The following COL4A4 variants were observed in gnomAD, a reference collection of about 807,000 sequenced individuals.
COL4A4 encodes collagen alpha-4(IV) chain.
A neutral mutation model predicts 192.9 loss-of-function variants in COL4A4; 105 were observed. That is an observed-to-expected ratio of 0.54 (90% CI 0.46 to 0.64). The LOEUF (loss-of-function observed/expected upper bound fraction) is 0.64, where lower values mean the gene tolerates loss of function less well. Among genes scored for constraint, COL4A4 ranks in the 30% least tolerant of loss-of-function variants. The pLI is 0.00. For missense variants in COL4A4, 1,967 were observed against 2,169.3 expected (o/e 0.91, Z 1.85); for synonymous variants, 762 against 769.9 (o/e 0.99, Z 0.17).
intron 8 of COL4A4, among the ~76,000 whole-genome samples, chr2:227,113,654 A>AC (rs958879957): frequency 2.0e-5 from 3 of 152,154 alleles, no homozygotes; most frequent in African/African-American, 7.2e-5. Flanking sequence ...TCCTAGAATG[A>AC]CCCTGCTGTT....
chr2:227,085,207 A>G (rs994871985), intron 22 of COL4A4, among the ~76,000 whole-genome samples: 4 of 152,036 alleles, frequency 2.6e-5, no homozygotes, highest in African/African-American at 4.8e-5. Context: ...TTCAGTCTAG[A>G]TAAGGGACAT....
At chr2:227,016,816 A>C (rs569812585) in intron 44 of COL4A4, among the ~76,000 whole-genome samples, 2 of 152,220 alleles carry the variant, frequency 1.3e-5, no homozygotes, top group East Asian at 3.9e-4. Flanking sequence ...ATTAGAAACG[A>C]ATTATTTCAG....
chr2:227,137,345 G>A (rs556688975), intron 4 of COL4A4, among the ~76,000 whole-genome samples: 17 of 152,344 alleles, frequency 1.1e-4, no homozygotes, highest in African/African-American at 3.4e-4. Context: ...CAACCCAGCA[G>A]TTGGTACCTT....
downstream of COL4A4, chr2:227,002,591 C>T (rs1466215478): frequency 6.6e-6 from 1 of 152,398 alleles, no homozygotes; most frequent in African/African-American, 2.4e-5. Flanking sequence ...TTCCAGCCTA[C>T]ACTCTTCCCT....
At chr2:227,038,480 T>C (rs1024141188) in intron 37 of COL4A4, among the ~76,000 whole-genome samples, 9 of 152,224 alleles carry the variant, frequency 5.9e-5, no homozygotes, top group Admixed American at 3.9e-4. Context: ...CCTTGTACTA[T>C]AGTTTGAAAT....
chr2:227,140,937 C>G (rs1390426660), intron 3 of COL4A4, among the ~76,000 whole-genome samples: 4 of 150,606 alleles, frequency 2.7e-5, no homozygotes, highest in African/African-American at 7.3e-5. Context: ...TAGGAAGAAT[C>G]AGCTCCTTGT....
At chr2:227,105,388 C>T (rs529999621) in intron 12 of COL4A4, among the ~76,000 whole-genome samples, 98 of 152,066 alleles carry the variant, frequency 6.4e-4, no homozygotes, top group African/African-American at 2.1e-3. Context: ...GATGGGATTT[C>T]GCCATGTTGG....
At chr2:227,059,913 C>T (rs1213526371) in intron 27 of COL4A4, among the ~76,000 whole-genome samples, 1 of 152,044 alleles carries the variant, frequency 6.6e-6, no homozygotes, top group Non-Finnish European at 1.5e-5. Context: ...TAGCCCACAA[C>T]TTATGCTTCA....
At chr2:226,977,034 G>A in the COL4A4 span, among the ~76,000 whole-genome samples, 1 of 152,186 alleles carries the variant, frequency 6.6e-6, no homozygotes, top group Admixed American at 6.5e-5. Context: ...CTGGGATAAG[G>A]CTGGCCTCAC....
chr2:227,153,342 G>A (rs2064092920), intron 1 of COL4A4, among the ~76,000 whole-genome samples: 1 of 152,184 alleles, frequency 6.6e-6, no homozygotes, highest in African/African-American at 2.4e-5. Context: ...CCCTCTACAG[G>A]AAACTTCTGC....
intron 39 of COL4A4, 21 bp from the exon 40 acceptor site, chr2:227,032,076 A>G (rs1433795767): frequency 3.7e-6 from 6 of 1,613,950 alleles, no homozygotes; most frequent in Non-Finnish European, 5.1e-6. Context: ...ACATGTTCAC[A>G]TGTTATCCTC....
At chr2:227,013,519 T>A (rs1964251084) in intron 44 of COL4A4, among the ~76,000 whole-genome samples, 1 of 152,136 alleles carries the variant, frequency 6.6e-6, no homozygotes, top group African/African-American at 2.4e-5. Context: ...CAGGGATGCA[T>A]GTCCCTGGAA....
intron 9 of COL4A4, 133 bp downstream of exon 9, chr2:227,111,545 C>G: frequency 1.1e-6 from 1 of 950,120 alleles, no homozygotes; most frequent in East Asian, 2.4e-5. Context: ...AATTTTTGAA[C>G]AGGGAACCCA....
At chr2:226,994,228 G>A in the COL4A4 span, among the ~76,000 whole-genome samples, 1 of 152,232 alleles carries the variant, frequency 6.6e-6, no homozygotes, top group Admixed American at 6.5e-5. Context: ...TTATTGAACA[G>A]CTACTGTGTG....
intron 24 of COL4A4, among the ~76,000 whole-genome samples, chr2:227,078,643 A>T (rs550722509): frequency 8.5e-5 from 13 of 152,308 alleles, no homozygotes; most frequent in Non-Finnish European, 8.8e-5. Flanking sequence ...AGAATAAGAG[A>T]TTTATGTCAA....
In COL4A4 at chr2:227,073,512, C is replaced by T. The variant is rs115560588; in HGVS notation, c.1987+4382G>A. ...TCAGTGGAATTCCCATCAAAATATG[C>T]ACATCATTTTTCATAGAATTAGAAA... On this transcript the variant is annotated intron_variant, in intron 25 of 47. Coordinates refer to ENST00000396625, the MANE Select transcript of COL4A4 (RefSeq NM_000092.5). 4.9e-3 allele frequency among the ~76,000 whole-genome samples: 737 copies of T among 151,880 alleles called. 7 individuals carry two copies. The highest frequency in any genetic ancestry group is 0.017 in the African/African-American group (708 of 41,482).
At chr2:226,980,006 G>A in the COL4A4 span, among the ~76,000 whole-genome samples, 1 of 152,170 alleles carries the variant, frequency 6.6e-6, no homozygotes, top group African/African-American at 2.4e-5. Flanking sequence ...AAGGTGTCAA[G>A]GAAGACTCTA....
At chr2:227,060,425 T>C (rs1976660652) in intron 26 of COL4A4, among the ~76,000 whole-genome samples, 182 bp from the exon 27 acceptor site, 1 of 152,182 alleles carries the variant, frequency 6.6e-6, no homozygotes, top group Admixed American at 6.5e-5. Flanking sequence ...CAAATAAATG[T>C]TTTCTAGGAG....
chr2:227,031,134 C>A (rs188291161), intron 40 of COL4A4, among the ~76,000 whole-genome samples: 1 of 152,088 alleles, frequency 6.6e-6, no homozygotes, highest in Non-Finnish European at 1.5e-5. Context: ...GGAATGTTCA[C>A]TCGATTAAAT....
Sources: allele counts gnomAD v4.1 joint callset (sites outside exome capture counted in the v4.1 genomes callset), GRCh38; gene constraint gnomAD v4.1.1; transcripts MANE v1.5; gene names NCBI Gene and HGNC (gene_info 2026-07-23, HGNC 2026-07-21).